The following NFIB variants were observed in gnomAD, a reference collection of about 807,000 sequenced individuals.
NFIB encodes the protein nuclear factor I B.
A neutral mutation model predicts 61.5 loss-of-function variants in NFIB; 11 were observed. That is an observed-to-expected ratio of 0.18 (90% CI 0.11 to 0.30). The LOEUF is 0.30. NFIB is among the 10% of genes least tolerant of loss of function. The pLI is 1.00. For missense variants in NFIB, 471 were observed against 608.9 expected (o/e 0.77, Z 2.38); for synonymous variants, 260 against 216.5 (o/e 1.20, Z -1.76).
At chr9:14,427,937 GTTTTTTTTTTTTTTT>G in the NFIB span, among the ~76,000 whole-genome samples, 1 of 43,384 alleles carries the variant, frequency 2.3e-5, no homozygotes, top group Non-Finnish European at 4.4e-5. Flanking sequence ...TAATTCAGTT[GTTTTTTTTTTTTTTT>G]TTTTTTTTTT....
chr9:14,439,097 G>A, the NFIB span, among the ~76,000 whole-genome samples: 12 of 152,222 alleles, frequency 7.9e-5, 1 homozygote, highest in Admixed American at 4.6e-4. Flanking sequence ...CAGGCTCGGC[G>A]TTGTGGCTCG....
At chr9:14,158,625 T>C (rs2043754265) in intron 3 of NFIB, among the ~76,000 whole-genome samples, 1 of 152,228 alleles carries the variant, frequency 6.6e-6, no homozygotes, top group South Asian at 2.1e-4. Context: ...AATTCAACTT[T>C]ACAAACAGGG....
intron 2 of NFIB, among the ~76,000 whole-genome samples, chr9:14,227,225 T>C (rs1345372316): frequency 6.6e-6 from 1 of 152,176 alleles, no homozygotes; most frequent in African/African-American, 2.4e-5. Flanking sequence ...CTACCAATTT[T>C]AAAAGCTAAT....
intron 2 of NFIB, among the ~76,000 whole-genome samples, chr9:14,257,432 G>C (rs1587969159): frequency 6.6e-6 from 1 of 152,178 alleles, no homozygotes; most frequent in East Asian, 1.9e-4. Context: ...ATGAACAAGA[G>C]AGAAAACCTC....
chr9:14,438,381 G>A, the NFIB span, among the ~76,000 whole-genome samples: 1 of 152,152 alleles, frequency 6.6e-6, no homozygotes, highest in Admixed American at 6.5e-5. Flanking sequence ...GAAAATCGTT[G>A]ATCCTGAGAG....
chr9:14,471,980 G>A, the NFIB span, among the ~76,000 whole-genome samples: 1 of 152,196 alleles, frequency 6.6e-6, no homozygotes, highest in African/African-American at 2.4e-5. Flanking sequence ...CGACCTGCAG[G>A]TTATATTTTT....
chr9:14,519,464 A>G, the NFIB span, among the ~76,000 whole-genome samples: 1 of 152,186 alleles, frequency 6.6e-6, no homozygotes, highest in African/African-American at 2.4e-5. Flanking sequence ...GCCTAAAGCC[A>G]CTGACTTAAC....
intron 3 of NFIB, among the ~76,000 whole-genome samples, chr9:14,174,175 TA>T (rs57938595): frequency 2.6e-5 from 4 of 151,172 alleles, no homozygotes; most frequent in East Asian, 3.9e-4. Flanking sequence ...CAAAATACAT[TA>T]AAAAAAAAGT....
At chr9:14,203,238 T>C (rs763440451) in intron 2 of NFIB, among the ~76,000 whole-genome samples, 24 of 152,132 alleles carry the variant, frequency 1.6e-4, no homozygotes, top group Admixed American at 2.6e-4. Flanking sequence ...AAGCTACCCT[T>C]TCCATTCACG....
At chr9:14,146,514 ATTAACT>A (rs1430391840) in intron 6 of NFIB, among the ~76,000 whole-genome samples, 169 bp downstream of exon 6, 1 of 152,190 alleles carries the variant, frequency 6.6e-6, no homozygotes, top group African/African-American at 2.4e-5. Flanking sequence ...TTTTGGATAA[ATTAACT>A]TTGACGACAT....
chr9:14,344,415 G>C (rs1023679040), intron 1 of NFIB, among the ~76,000 whole-genome samples: 16 of 151,888 alleles, frequency 1.1e-4, no homozygotes, highest in African/African-American at 3.9e-4. Flanking sequence ...CTCAGAAGGG[G>C]GGGGTAGAGG....
intron 2 of NFIB, among the ~76,000 whole-genome samples, chr9:14,220,214 T>G (rs1270142393): frequency 6.6e-6 from 1 of 152,198 alleles, no homozygotes; most frequent in Non-Finnish European, 1.5e-5. Flanking sequence ...GTTTTAAATT[T>G]TAATCTCATT....
upstream of NFIB, among the ~76,000 whole-genome samples, chr9:14,400,727 A>G (rs2061734653): frequency 6.6e-6 from 1 of 152,236 alleles, no homozygotes. Context: ...TGATTGGGAA[A>G]GCGATAGGCT....
chr9:14,313,953 G>A lies in NFIB; in HGVS notation c.-442C>T. 4 of 1,064,830 alleles carry A rather than the reference G, an allele frequency of 3.8e-6. No individual in the cohort carries two copies. Among genetic ancestry groups the A allele is most frequent in the Non-Finnish European group, 4.5e-6 (4 of 880,606 alleles). The allele number at this position is 1,064,830 out of a possible 1,614,324, so 66.0% of individuals were successfully genotyped here. On this transcript the variant is annotated 5_prime_UTR_variant, in exon 1 of 11. Transcript: ENST00000380953. The surrounding 1 kb of genome is among the most constrained non-coding windows in gnomAD (Gnocchi z 4.5). The stretch of plus-strand genomic sequence containing the variant: ...TGCTTTTTCAAAAAAGGCGGGGAGG[G>A]GGGCGCGGGAGGGCGCAGGAGGGCG...
At chr9:14,106,346 T>C (rs536440596) in intron 10 of NFIB, among the ~76,000 whole-genome samples, 2 of 152,306 alleles carry the variant, frequency 1.3e-5, no homozygotes, top group East Asian at 3.9e-4. Context: ...TATGAAATTC[T>C]ATTGTCTAGA....
intron 6 of NFIB, among the ~76,000 whole-genome samples, chr9:14,136,059 C>G (rs1314944368): frequency 6.6e-6 from 1 of 152,050 alleles, no homozygotes; most frequent in African/African-American, 2.4e-5. Flanking sequence ...ACACCCAATA[C>G]CAAGTTAAAG....
At chr9:14,214,451 T>A (rs1032167939) in intron 2 of NFIB, among the ~76,000 whole-genome samples, 15 of 152,180 alleles carry the variant, frequency 9.9e-5, no homozygotes, top group African/African-American at 3.6e-4. Flanking sequence ...ACTGGATACA[T>A]CTCAGCTCCT....
chr9:14,358,359 G>C (rs1300256846), intron 1 of NFIB, among the ~76,000 whole-genome samples: 1 of 151,988 alleles, frequency 6.6e-6, no homozygotes, highest in African/African-American at 2.4e-5. Context: ...CAATCACTTT[G>C]GGATAAATGT....
rs1044862095 is a variant in NFIB at position 14,125,654 on chromosome 9, T to C, written c.1038A>G (p.Gly346=). The C allele has an allele frequency of 6.2e-7, 1 of 1,614,088 alleles. No homozygotes were observed. Among genetic ancestry groups the C allele is most frequent in the Admixed American group, 1.7e-5 (1 of 60,014 alleles). ...LSTFPQHHHP[G]IPGVAHSVIS... ...CACCACTGTGTGCAACTCCAGGTAT[T>C]CCGGGATGGTGGTGCTGGGGGAAAG... Residue 346 remains glycine, a synonymous_variant, in exon 7 of 11, where the codon GGA becomes GGG. Coordinates refer to ENST00000380953, the MANE Select transcript of NFIB (RefSeq NM_001190737.2).
Sources: gnomAD v4.1 joint callset for allele counts (sites outside exome capture counted in the v4.1 genomes callset) on GRCh38, gnomAD v4.1.1 for gene constraint, Gnocchi (gnomAD v3.1) non-coding constraint, MANE v1.5 for transcripts, NCBI Gene and HGNC (gene_info 2026-07-23, HGNC 2026-07-21) for gene names.